STIM2: variants seen among roughly 807,000 people sequenced by gnomAD.
The protein encoded by STIM2 is stromal interaction molecule 2.
In STIM2, 31 loss-of-function variants were observed where a neutral mutation model predicts 85.8. That is an observed-to-expected ratio of 0.36 (90% confidence interval 0.27 to 0.49). The LOEUF (loss-of-function observed/expected upper bound fraction) is 0.49, where lower values mean the gene tolerates loss of function less well. Ranked by LOEUF, STIM2 falls within the 20% of genes least tolerant of loss-of-function variation. The pLI is 0.98. For synonymous variants in STIM2, 356 were observed against 331.1 expected (o/e 1.08, Z -0.82); for missense variants, 841 against 927.6 (o/e 0.91, Z 1.21).
rs751720697 is a variant in STIM2 at position 27,008,454 on chromosome 4, C to T, written c.1176C>T (p.Ser392=). 3.8e-6 allele frequency: 6 copies of T among 1,592,090 alleles called. No homozygotes were observed. Among genetic ancestry groups the T allele is most frequent in the Non-Finnish European group, 5.1e-6 (6 of 1,171,174 alleles). ...CAGAAAAAATTAAAAAGAAGAGAAG[C>T]ACAGTCTTTGGGACTCTGCACGTTG... Residue 392 remains serine (S), a synonymous_variant, in exon 9 of 12, where the codon AGC becomes AGT. Coordinates refer to ENST00000467087, the MANE Select transcript of STIM2 (RefSeq NM_020860.4).
intron 10 of STIM2, among the ~76,000 whole-genome samples, chr4:27,009,748 T>C (rs1308094588): frequency 6.6e-6 from 1 of 152,224 alleles, no homozygotes; most frequent in Non-Finnish European, 1.5e-5. Flanking sequence ...TGCAAAGTTA[T>C]GTCTAGATCT....
chr4:26,899,791 G>T (rs1160236706), intron 1 of STIM2, among the ~76,000 whole-genome samples: 3 of 152,066 alleles, frequency 2.0e-5, no homozygotes, highest in Admixed American at 6.6e-5. Context: ...AATAGACTTT[G>T]TACTATATAT....
intron 2 of STIM2, among the ~76,000 whole-genome samples, chr4:26,941,878 A>G (rs1725622683): frequency 6.6e-6 from 1 of 152,152 alleles, no homozygotes; most frequent in Middle Eastern, 3.2e-3. Flanking sequence ...TGAATTTTGA[A>G]AACTACACAC....
intron 3 of STIM2, among the ~76,000 whole-genome samples, chr4:26,965,009 C>A (rs758023110): frequency 1.3e-5 from 2 of 152,138 alleles, no homozygotes; most frequent in Non-Finnish European, 2.9e-5. Context: ...ATTGAAAAAA[C>A]ACAAGGCTGT....
intron 1 of STIM2, among the ~76,000 whole-genome samples, chr4:26,882,899 G>A (rs1351675166): frequency 4.0e-5 from 6 of 150,692 alleles, no homozygotes; most frequent in African/African-American, 9.8e-5. Context: ...GTGCAGTGGC[G>A]CGATCTCAGC....
chr4:26,883,159 T>C (rs1255718071), intron 1 of STIM2, among the ~76,000 whole-genome samples: 1 of 152,034 alleles, frequency 6.6e-6, no homozygotes, highest in Non-Finnish European at 1.5e-5. Flanking sequence ...TTGTGTGTCT[T>C]TTCTGCCATG....
intron 1 of STIM2, among the ~76,000 whole-genome samples, chr4:26,880,934 A>G (rs1051999245): frequency 6.6e-6 from 1 of 151,998 alleles, no homozygotes; most frequent in Non-Finnish European, 1.5e-5. Flanking sequence ...TGTAGACAAG[A>G]GAATAAAACA....
intron 3 of STIM2, among the ~76,000 whole-genome samples, chr4:26,983,249 C>T (rs1727465259): frequency 6.6e-6 from 1 of 152,128 alleles, no homozygotes; most frequent in South Asian, 2.1e-4. Flanking sequence ...TCACATTTTG[C>T]CTTTCTCATA....
intron 4 of STIM2, among the ~76,000 whole-genome samples, chr4:26,998,776 G>T (rs774246016): frequency 2.0e-5 from 3 of 151,980 alleles, no homozygotes; most frequent in Non-Finnish European, 4.4e-5. Flanking sequence ...CCCAGGCGTG[G>T]TGGCACGTGC....
intron 2 of STIM2, among the ~76,000 whole-genome samples, chr4:26,931,617 A>G (rs1725208665): frequency 6.6e-6 from 1 of 152,178 alleles, no homozygotes; most frequent in South Asian, 2.1e-4. Context: ...CTCTAATTAC[A>G]TGCACAAATG....
chr4:26,963,424 T>C (rs1726558397), intron 3 of STIM2, among the ~76,000 whole-genome samples: 1 of 151,506 alleles, frequency 6.6e-6, no homozygotes, highest in Non-Finnish European at 1.5e-5. Flanking sequence ...GTGTATTGTT[T>C]AGCATTATCA....
chr4:27,016,244 T>C (rs953173389), intron 10 of STIM2, among the ~76,000 whole-genome samples: 1 of 152,222 alleles, frequency 6.6e-6, no homozygotes, highest in African/African-American at 2.4e-5. Flanking sequence ...AAATCCCTAT[T>C]TTTTAGTTTT....
chr4:26,932,231 G>A (rs1725230057), intron 2 of STIM2, among the ~76,000 whole-genome samples: 1 of 152,182 alleles, frequency 6.6e-6, no homozygotes, highest in African/African-American at 2.4e-5. Context: ...GACTTCTAGT[G>A]TTTCTTGTTT....
intron 3 of STIM2, among the ~76,000 whole-genome samples, chr4:26,973,220 T>G (rs529134445): frequency 6.6e-6 from 1 of 152,246 alleles, no homozygotes; most frequent in South Asian, 2.1e-4. Flanking sequence ...TTTTGAAGGG[T>G]TTTTTGTGTC....
Position 27,011,082 on chromosome 4 carries a change from A to G in STIM2, c.1489+2080A>G, listed in dbSNP as rs528279293. ...TTTATCTTTTTCTCTGAAATAAACT[A>G]TTACAAATACACTTAAACCACATTG... On this transcript the variant is annotated intron_variant, in intron 10 of 11. Coordinates refer to ENST00000467087, the MANE Select transcript of STIM2 (RefSeq NM_020860.4). Among the ~76,000 whole-genome samples the G allele has an allele frequency of 9.8e-5, 15 of 152,348 alleles. No homozygotes were observed. In the East Asian group the frequency reaches 1.7e-3, roughly 18 times the overall value.
At chr4:26,871,315 T>G (rs530551672) in intron 1 of STIM2, among the ~76,000 whole-genome samples, 54 of 152,282 alleles carry the variant, frequency 3.5e-4, no homozygotes, top group Admixed American at 3.3e-3. Flanking sequence ...TGTTAAAGCA[T>G]AAGGTATATA....
chr4:26,984,906 A>G (rs1453007413), intron 3 of STIM2, among the ~76,000 whole-genome samples: 3 of 152,244 alleles, frequency 2.0e-5, no homozygotes, highest in African/African-American at 7.2e-5. Context: ...ATTACATGTA[A>G]TTCTTGCATA....
At chr4:26,981,251 T>C (rs936763913) in intron 3 of STIM2, among the ~76,000 whole-genome samples, 1 of 152,162 alleles carries the variant, frequency 6.6e-6, no homozygotes, top group Admixed American at 6.5e-5. Flanking sequence ...TAGAGGGTTG[T>C]GCTGAGGATT....
At chr4:26,952,582 CAGAG>C (rs564649687) in intron 2 of STIM2, among the ~76,000 whole-genome samples, 53 of 152,098 alleles carry the variant, frequency 3.5e-4, no homozygotes, top group Non-Finnish European at 7.5e-4. Context: ...AACTGAAGCA[CAGAG>C]AGTCAAGTAA....
Sources: allele counts gnomAD v4.1 joint callset (sites outside exome capture counted in the v4.1 genomes callset), GRCh38; gene constraint gnomAD v4.1.1; transcripts MANE v1.5; gene names NCBI Gene and HGNC (gene_info 2026-07-23, HGNC 2026-07-21).